Variants in KGD4 observed in about 807,000 individuals in gnomAD.
KGD4 encodes alpha-ketoglutarate dehydrogenase subunit 4, also known as alpha-ketoglutarate dehydrogenase component 4.
chr5:69,223,193 C>T, the KGD4 span, among the ~76,000 whole-genome samples: 1 of 148,782 alleles, frequency 6.7e-6, no homozygotes, highest in Non-Finnish European at 1.5e-5. Flanking sequence ...ATTCTCCTGC[C>T]TCAGCCTCCC....
the KGD4 span, among the ~76,000 whole-genome samples, chr5:69,220,870 A>C: frequency 6.6e-6 from 1 of 152,144 alleles, no homozygotes; most frequent in Non-Finnish European, 1.5e-5. Context: ...GGATGCTGTT[A>C]ATCTATAACC....
chr5:69,227,841 G>T, the KGD4 span, among the ~76,000 whole-genome samples: 1 of 152,178 alleles, frequency 6.6e-6, no homozygotes, highest in Non-Finnish European at 1.5e-5. Context: ...GGGTGCAGTG[G>T]CACATGCCTA....
chr5:69,228,056 C>T, the KGD4 span: 3 of 641,342 alleles, frequency 4.7e-6, no homozygotes, highest in South Asian at 3.1e-5. Flanking sequence ...CAATATTTAC[C>T]TTTTGGAATT....
the KGD4 span, among the ~76,000 whole-genome samples, chr5:69,228,717 T>A: frequency 6.6e-6 from 1 of 152,036 alleles, no homozygotes; most frequent in Admixed American, 6.6e-5. Context: ...TCTGAAATTA[T>A]AAGAATTGAT....
At chr5:69,224,516 A>G in the KGD4 span, among the ~76,000 whole-genome samples, 4 of 152,232 alleles carry the variant, frequency 2.6e-5, no homozygotes, top group Non-Finnish European at 5.9e-5. Flanking sequence ...AGTCAAAAAA[A>G]GTATTCTTTA....
the KGD4 span, chr5:69,218,070 C>A: frequency 3.9e-6 from 3 of 775,406 alleles, no homozygotes; most frequent in South Asian, 5.3e-5. Flanking sequence ...GGTCCGGCGC[C>A]GAGGGTTCGA....
chr5:69,217,785 G>C, the KGD4 span: 1 of 1,612,724 alleles, frequency 6.2e-7, no homozygotes, highest in South Asian at 1.1e-5. Context: ...TCCAGTGATC[G>C]CCGCGGCTCG....
chr5:69,223,281 G>A, the KGD4 span, among the ~76,000 whole-genome samples: 40 of 151,238 alleles, frequency 2.6e-4, no homozygotes, highest in Middle Eastern at 6.9e-3. Flanking sequence ...GGGTTTCTCC[G>A]TGTTAGCCAG....
At chr5:69,218,130 G>T in the KGD4 span, 1 of 542,198 alleles carries the variant, frequency 1.8e-6, no homozygotes, top group African/African-American at 2.0e-5. Context: ...TGTACCTACT[G>T]CCGGGATCCC....
At chr5:69,227,485 G>A in the KGD4 span, among the ~76,000 whole-genome samples, 1 of 151,556 alleles carries the variant, frequency 6.6e-6, no homozygotes, top group Non-Finnish European at 1.5e-5. Context: ...TCTGATTCCC[G>A]CCCTTTTTTA....
the KGD4 span, among the ~76,000 whole-genome samples, chr5:69,225,530 G>A: frequency 1.3e-5 from 2 of 149,508 alleles, no homozygotes; most frequent in East Asian, 4.0e-4. Flanking sequence ...CTTCCAAAGT[G>A]CTGGGATTAC....
the KGD4 span, chr5:69,226,474 G>C: frequency 3.6e-4 from 368 of 1,016,976 alleles, 2 homozygotes; most frequent in Non-Finnish European, 4.9e-4. Context: ...TTTTATTATA[G>C]GCAATATTTC....
the KGD4 span, chr5:69,218,150 C>T: frequency 9.6e-6 from 5 of 520,442 alleles, no homozygotes; most frequent in East Asian, 3.4e-5. Context: ...CCCGCTCCTC[C>T]GCCAGGACCT....
the KGD4 span, chr5:69,228,496 G>C: frequency 8.9e-7 from 1 of 1,127,938 alleles, no homozygotes; most frequent in East Asian, 2.5e-5. Context: ...GTCAGAGTGT[G>C]GTCAGAGCTA....
At chr5:69,218,452 ATGTGTGTGTGTATATTAATGTG>A in the KGD4 span, among the ~76,000 whole-genome samples, 3 of 140,038 alleles carry the variant, frequency 2.1e-5, no homozygotes, top group East Asian at 6.4e-4. Context: ...TTTAATTAGT[ATGTGTGTGTGTATATTAATGTG>A]TGTGTGTGTG....
chr5:69,218,221 T>G, the KGD4 span: 1 of 297,854 alleles, frequency 3.4e-6, no homozygotes, highest in Non-Finnish European at 6.3e-6. Flanking sequence ...AATCGCCGTC[T>G]AGGATTGGCT....
the KGD4 span, among the ~76,000 whole-genome samples, chr5:69,224,775 A>T: frequency 4.6e-5 from 7 of 152,074 alleles, no homozygotes; most frequent in Admixed American, 1.3e-4. Context: ...CAAAAAATTT[A>T]AAAAGTCAGT....
the KGD4 span, among the ~76,000 whole-genome samples, chr5:69,220,510 C>T: frequency 6.6e-6 from 1 of 151,848 alleles, no homozygotes; most frequent in Non-Finnish European, 1.5e-5. Context: ...GCCAGGCAGC[C>T]GCCCCGTCTG....
chr5:69,218,762 A>G, the KGD4 span, among the ~76,000 whole-genome samples: 1 of 152,212 alleles, frequency 6.6e-6, no homozygotes, highest in African/African-American at 2.4e-5. Flanking sequence ...TCCGCTTTAT[A>G]TAAGTACATC....
Sources: gnomAD v4.1 joint callset for allele counts (sites outside exome capture counted in the v4.1 genomes callset) on GRCh38, gnomAD v4.1.1 for gene constraint, MANE v1.5 for transcripts, NCBI Gene and HGNC (gene_info 2026-07-23, HGNC 2026-07-21) for gene names.